DPP6: variants seen among roughly 807,000 people sequenced by gnomAD.
DPP6 encodes dipeptidyl peptidase like 6.
DPP6 carries 69 observed loss-of-function variants against 122.6 expected under a neutral mutation model. That is an observed-to-expected ratio of 0.56 (90% CI 0.46 to 0.69). The LOEUF (loss-of-function observed/expected upper bound fraction) is 0.69, where lower values mean the gene tolerates loss of function less well. Ranked by LOEUF, DPP6 falls within the 30% of genes least tolerant of loss-of-function variation. DPP6 has a pLI of 0.00. For synonymous variants in DPP6, 418 were observed against 433.1 expected (o/e 0.97, Z 0.43); for missense variants, 928 against 1,116.9 (o/e 0.83, Z 2.41).
intron 7 of DPP6, among the ~76,000 whole-genome samples, chr7:154,720,302 G>A (rs1285252976): frequency 1.3e-5 from 2 of 152,178 alleles, no homozygotes; most frequent in South Asian, 2.1e-4. Context: ...TGGAGGAAGT[G>A]GAGACAGTGG....
chr7:154,255,040 C>G (rs1802569407), intron 1 of DPP6, among the ~76,000 whole-genome samples: 3 of 151,964 alleles, frequency 2.0e-5, no homozygotes, highest in Admixed American at 2.0e-4. Flanking sequence ...ATGAAGAGAA[C>G]CACATGGGCA....
intron 3 of DPP6, among the ~76,000 whole-genome samples, chr7:154,504,797 G>A (rs1275610625): frequency 7.0e-6 from 1 of 142,864 alleles, no homozygotes; most frequent in Non-Finnish European, 1.5e-5. Context: ...GTATCAGGGT[G>A]TTTTTTTTTT....
chr7:154,317,980 A>G (rs1256377172), intron 1 of DPP6, among the ~76,000 whole-genome samples: 1 of 152,218 alleles, frequency 6.6e-6, no homozygotes, highest in African/African-American at 2.4e-5. Context: ...TAAAGAAAAT[A>G]CTGACTTTAT....
intron 1 of DPP6, among the ~76,000 whole-genome samples, chr7:154,218,682 G>C (rs1800140202): frequency 6.6e-6 from 1 of 152,146 alleles, no homozygotes. Context: ...TTGTCTTCCT[G>C]TTTACATGCG....
intron 1 of DPP6, among the ~76,000 whole-genome samples, chr7:154,134,877 G>A (rs571163628): frequency 9.3e-5 from 14 of 150,174 alleles, no homozygotes; most frequent in African/African-American, 3.4e-4. Context: ...GAGCTTACAT[G>A]TCCTGTGAGT....
At chr7:154,567,028 T>A in intron 5 of DPP6, 112 bp downstream of exon 5, 1 of 779,824 alleles carries the variant, frequency 1.3e-6, no homozygotes, top group Non-Finnish European at 2.0e-6. Flanking sequence ...CCAGAAATAC[T>A]TTGTACATCC....
chr7:154,005,183 A>T (rs1265737158), intron 1 of DPP6, among the ~76,000 whole-genome samples: 2 of 152,224 alleles, frequency 1.3e-5, no homozygotes, highest in African/African-American at 4.8e-5. Flanking sequence ...TATTTTTCAG[A>T]TTTCATCTTG....
At chr7:154,402,927 C>T (rs992463616) in intron 1 of DPP6, among the ~76,000 whole-genome samples, 4 of 152,092 alleles carry the variant, frequency 2.6e-5, no homozygotes, top group Admixed American at 1.3e-4. Context: ...AAACTGGAAG[C>T]AGAGAAACTT....
intron 5 of DPP6, among the ~76,000 whole-genome samples, chr7:154,613,314 G>A (rs1294417129): frequency 6.6e-6 from 1 of 152,098 alleles, no homozygotes; most frequent in Non-Finnish European, 1.5e-5. Flanking sequence ...TGCAGATGCT[G>A]TAAACCTTAT....
the DPP6 span, among the ~76,000 whole-genome samples, chr7:153,749,213 C>A: frequency 0.34 from 51,144 of 151,452 alleles, 8,855 homozygotes; most frequent in East Asian, 0.67. The surrounding 1 kb of genome is among the most constrained non-coding windows in gnomAD (Gnocchi z 4.1). Context: ...TTTGTAGACC[C>A]GCGGCCAGCA....
intron 6 of DPP6, among the ~76,000 whole-genome samples, chr7:154,668,631 T>G (rs888850962): frequency 6.6e-6 from 1 of 151,990 alleles, no homozygotes; most frequent in Non-Finnish European, 1.5e-5. Context: ...AAAAGAAACA[T>G]GAAAATGAAT....
At chr7:154,854,100 C>T (rs1440051728) in intron 17 of DPP6, among the ~76,000 whole-genome samples, 1 of 152,194 alleles carries the variant, frequency 6.6e-6, no homozygotes, top group African/African-American at 2.4e-5. Flanking sequence ...GACTGACATC[C>T]TCTGAACAGC....
intron 1 of DPP6, among the ~76,000 whole-genome samples, chr7:154,148,933 C>T (rs1796263719): frequency 6.6e-6 from 1 of 152,120 alleles, no homozygotes; most frequent in Non-Finnish European, 1.5e-5. Flanking sequence ...ATCCTGGCTG[C>T]TCTGTGTGCT....
chr7:154,598,297 A>G (rs1028276992), intron 5 of DPP6, among the ~76,000 whole-genome samples: 12 of 152,242 alleles, frequency 7.9e-5, no homozygotes, highest in Admixed American at 6.5e-4. Context: ...TCATAAAGGA[A>G]AACCGTTTTG....
intron 6 of DPP6, among the ~76,000 whole-genome samples, chr7:154,662,514 GTA>G (rs1837795223): frequency 3.1e-5 from 1 of 32,458 alleles, no homozygotes. Context: ...CGTATCGGCC[GTA>G]GTGTTCATAT....
intron 1 of DPP6, among the ~76,000 whole-genome samples, chr7:154,035,558 G>A (rs1003582951): frequency 2.2e-4 from 34 of 152,082 alleles, no homozygotes; most frequent in African/African-American, 8.2e-4. Context: ...GGTAGAACCA[G>A]GGGATCAAGA....
At chr7:154,228,609 C>G (rs780719816) in intron 1 of DPP6, among the ~76,000 whole-genome samples, 4 of 152,056 alleles carry the variant, frequency 2.6e-5, no homozygotes, top group Non-Finnish European at 5.9e-5. Flanking sequence ...AGATATTGTC[C>G]TAAGCTTACA....
chr7:154,644,715 T>C (rs559460758), intron 6 of DPP6, among the ~76,000 whole-genome samples: 1 of 151,704 alleles, frequency 6.6e-6, no homozygotes, highest in Admixed American at 6.6e-5. Context: ...GCTTTTTTTT[T>C]TTTTTTTTTT....
chr7:154,693,328 A>G (rs974679734), intron 7 of DPP6, among the ~76,000 whole-genome samples: 2 of 152,250 alleles, frequency 1.3e-5, no homozygotes, highest in Non-Finnish European at 1.5e-5. Flanking sequence ...TCCAGGTCAC[A>G]TTTTCATAAC....
Sources: allele counts gnomAD v4.1 joint callset (sites outside exome capture counted in the v4.1 genomes callset), GRCh38; gene constraint gnomAD v4.1.1; non-coding constraint Gnocchi (gnomAD v3.1); transcripts MANE v1.5; gene names NCBI Gene and HGNC (gene_info 2026-07-23, HGNC 2026-07-21).